The following GSS variants were observed in gnomAD, a reference collection of about 807,000 sequenced individuals.
GSS encodes glutathione synthetase.
GSS carries 34 observed loss-of-function variants against 60.4 expected under a neutral mutation model. The observed-to-expected ratio is 0.56, with a 90% confidence interval of 0.43 to 0.75. The LOEUF (loss-of-function observed/expected upper bound fraction) is 0.75, where lower values mean the gene tolerates loss of function less well. Ranked by LOEUF, GSS falls within the 30% of genes least tolerant of loss-of-function variation. GSS has a pLI of 0.00. For synonymous variants in GSS, 224 were observed against 239.0 expected (o/e 0.94, Z 0.58); for missense variants, 499 against 595.1 (o/e 0.84, Z 1.68).
chr20:34,939,878 C>G (rs1049511769), intron 6 of GSS, among the ~76,000 whole-genome samples: 4 of 152,012 alleles, frequency 2.6e-5, no homozygotes, highest in African/African-American at 9.7e-5. Context: ...CCATGTTGGC[C>G]AGGCTGGCCT....
At chr20:34,947,856 C>T (rs1404408377) in intron 2 of GSS, among the ~76,000 whole-genome samples, 3 of 151,594 alleles carry the variant, frequency 2.0e-5, no homozygotes, top group Admixed American at 1.3e-4. Flanking sequence ...AAAGTCCATA[C>T]ATTCTAAATT....
intron 11 of GSS, among the ~76,000 whole-genome samples, chr20:34,930,396 C>A (rs942869393): frequency 3.9e-5 from 6 of 152,180 alleles, no homozygotes; most frequent in African/African-American, 1.4e-4. Context: ...ACCTGCCCCT[C>A]CTGGACCTTC....
At chr20:34,937,101 GC>G in intron 6 of GSS, 78 bp from the exon 7 acceptor site, 2 of 927,646 alleles carry the variant, frequency 2.2e-6, no homozygotes, top group Non-Finnish European at 3.5e-6. Flanking sequence ...CCCCCATACC[GC>G]CCCACCTCCT....
chr20:34,935,021 C>A (rs1300686059), intron 9 of GSS, among the ~76,000 whole-genome samples: 1 of 152,216 alleles, frequency 6.6e-6, no homozygotes, highest in Non-Finnish European at 1.5e-5. Flanking sequence ...TCCTGTAGGG[C>A]CTTAGAGAAG....
chr20:34,932,165 C>T, intron 9 of GSS, 32 bp from the exon 10 acceptor site: 4 of 1,543,516 alleles, frequency 2.6e-6, no homozygotes, highest in Non-Finnish European at 3.6e-6. Context: ...AGGAATTCGA[C>T]TTTATTTTAC....
upstream of GSS, chr20:34,955,831 C>G (rs1024208270): frequency 6.6e-6 from 1 of 152,264 alleles, no homozygotes; most frequent in South Asian, 2.1e-4. Flanking sequence ...CTGACCGCCC[C>G]GGCTAGGCTT....
At chr20:34,947,367 C>T (rs945189587) in intron 2 of GSS, among the ~76,000 whole-genome samples, 4 of 152,216 alleles carry the variant, frequency 2.6e-5, no homozygotes, top group Non-Finnish European at 5.9e-5. Flanking sequence ...GGATTACAGG[C>T]ATGAGCCACC....
chr20:34,930,265 A>G (rs1391358762), intron 11 of GSS, among the ~76,000 whole-genome samples: 8 of 61,976 alleles, frequency 1.3e-4, no homozygotes, highest in African/African-American at 4.8e-4. Flanking sequence ...AATCCGTCTC[A>G]AAAAAAAAAA....
chr20:34,950,298 T>C (rs1024340908), intron 2 of GSS: 1 of 152,146 alleles, frequency 6.6e-6, no homozygotes, highest in African/African-American at 2.4e-5. Flanking sequence ...GACATTGTCA[T>C]TTACTTGGGC....
chr20:34,947,584 G>A (rs1171611520), intron 2 of GSS, among the ~76,000 whole-genome samples: 1 of 152,040 alleles, frequency 6.6e-6, no homozygotes, highest in Non-Finnish European at 1.5e-5. Flanking sequence ...AGTCATCTTT[G>A]TATTGATATA....
rs1477292052 is a variant in GSS, at chr20:34,951,861, C to G, written c.-8-1G>C. 1 of 1,614,030 alleles carries G rather than the reference C, an allele frequency of 6.2e-7. No individual in the cohort carries two copies. The highest frequency in any genetic ancestry group is 1.3e-5 in the African/African-American group (1 of 75,058). On this transcript the variant is annotated splice_acceptor_variant, in intron 1 of 12. Coordinates refer to ENST00000651619, the MANE Select transcript of GSS (RefSeq NM_000178.4). LOFTEE classifies it low-confidence loss of function (5UTR_SPLICE). ...CCCCAGTTGGTGGCCATCCCAACAC[C>G]TGCAAAAGATGGAGAGAAGAGAGTT...
At chr20:34,952,034 G>A (rs1010140432) in intron 1 of GSS, 174 bp from the exon 2 acceptor site, 26 of 665,238 alleles carry the variant, frequency 3.9e-5, no homozygotes, top group Non-Finnish European at 6.2e-5. Context: ...ACTTCCATGT[G>A]CACAAAATAG....
chr20:34,930,462 C>T (rs2081392244), intron 11 of GSS, among the ~76,000 whole-genome samples: 1 of 152,096 alleles, frequency 6.6e-6, no homozygotes, highest in African/African-American at 2.4e-5. Flanking sequence ...CTCCCTTCCA[C>T]TACCCTCTCA....
At position 34,932,092 on chromosome 20, in the gene GSS, G is replaced by A; in HGVS notation, c.876C>T (p.Ala292=). The A allele has an allele frequency of 6.2e-7, 1 of 1,614,138 alleles. No individual in the cohort carries two copies. Among genetic ancestry groups the A allele is most frequent in the South Asian group, 1.1e-5 (1 of 91,092 alleles). The change falls in exon 10 of 13, where the codon GCC becomes GCT. Residue 292 remains alanine (A), a synonymous_variant. Transcript: ENST00000651619. ...GCTGGGTGGCAATGTCTGGGCACTT[G>A]GCAGCATGTGACCTCTCCAGCAGTA... The part of the protein sequence containing the change: ...ARLLLERSHA[A]KCPDIATQLA...
At chr20:34,932,431 C>G (rs1016659339) in intron 9 of GSS, among the ~76,000 whole-genome samples, 4 of 152,166 alleles carry the variant, frequency 2.6e-5, no homozygotes, top group African/African-American at 4.8e-5. Context: ...TACTCCCTAC[C>G]ATGGCCTTCA....
At chr20:34,934,438 G>A (rs891380592) in intron 9 of GSS, among the ~76,000 whole-genome samples, 20 of 151,726 alleles carry the variant, frequency 1.3e-4, no homozygotes, top group African/African-American at 3.9e-4. Flanking sequence ...CACCACGCCC[G>A]GCTAATTTTT....
intron 11 of GSS, among the ~76,000 whole-genome samples, chr20:34,930,756 C>G (rs1487264866): frequency 6.6e-6 from 1 of 152,174 alleles, no homozygotes; most frequent in East Asian, 1.9e-4. Context: ...AGTATATATT[C>G]AAGGCCCTTT....
At position 34,929,564 on chromosome 20, in the gene GSS, C is replaced by G. The variant is rs761751693; in HGVS notation, c.1138G>C (p.Val380Leu). ...GGNNLYGEEMVQALKQLKDSE... is the reference protein window; with the variant it reads ...GGNNLYGEEMLQALKQLKDSE... ...TCCTTCAGCTGTTTCAGGGCCTGTACCATTTCCTCCCCATATAGGTTGTTA... is the reference window on the plus strand; with the variant it reads ...TCCTTCAGCTGTTTCAGGGCCTGTAGCATTTCCTCCCCATATAGGTTGTTA... Residue 380 changes from valine (V) to leucine (L), a missense_variant, in exon 12 of 13, where the codon GTA (valine) becomes CTA (leucine). Transcript: ENST00000651619. The G allele has an allele frequency of 6.2e-7, 1 of 1,614,066 alleles. No individual in the cohort carries two copies. The highest frequency in any genetic ancestry group is 1.7e-5 in the Admixed American group (1 of 60,014).
intron 2 of GSS, 92 bp from the exon 3 acceptor site, chr20:34,946,190 T>C (rs2147132355): frequency 1.8e-6 from 2 of 1,104,954 alleles, no homozygotes; most frequent in South Asian, 1.4e-5. Context: ...GTCTGGCCTA[T>C]ATTTACTGAG....
Sources: allele counts gnomAD v4.1 joint callset (sites outside exome capture counted in the v4.1 genomes callset), GRCh38; gene constraint gnomAD v4.1.1; transcripts MANE v1.5; gene names NCBI Gene and HGNC (gene_info 2026-07-23, HGNC 2026-07-21).